FBH1: variants seen among roughly 807,000 people sequenced by gnomAD.
FBH1 encodes the protein F-box DNA helicase 1.
In FBH1, 43 loss-of-function variants were observed where a neutral mutation model predicts 115.5. That is an observed-to-expected ratio of 0.37 (90% CI 0.29 to 0.48). The LOEUF (loss-of-function observed/expected upper bound fraction) is 0.48, where lower values mean the gene tolerates loss of function less well. Among genes scored for constraint, FBH1 ranks in the 20% least tolerant of loss-of-function variants. The pLI is 0.99. For missense variants in FBH1, 1,001 were observed against 1,337.3 expected (o/e 0.75, Z 3.92); for synonymous variants, 524 against 507.8 (o/e 1.03, Z -0.43).
At chr10:5,908,352 G>A (rs1843853382) in intron 3 of FBH1, among the ~76,000 whole-genome samples, 1 of 152,120 alleles carries the variant, frequency 6.6e-6, no homozygotes, top group Non-Finnish European at 1.5e-5. Flanking sequence ...ATATTATTTT[G>A]TTCCCATTGA....
chr10:5,895,052 A>T lies in FBH1; in HGVS notation c.1+4706A>T. 1 of 1,609,516 alleles carries T rather than the reference A, an allele frequency of 6.2e-7. No individual in the cohort carries two copies. The highest frequency in any genetic ancestry group is 2.2e-5 in the East Asian group (1 of 44,758). ...GTTGAAATTGGGCCATTCCCGTTTCACAGGCTGCCATTGGACCTGTCAAGT... is the reference window on the plus strand; with the variant it reads ...GTTGAAATTGGGCCATTCCCGTTTCTCAGGCTGCCATTGGACCTGTCAAGT... On this transcript the variant is annotated intron_variant, in intron 1 of 20. Coordinates refer to ENST00000362091, the MANE Select transcript of FBH1 (RefSeq NM_178150.3). The surrounding 1 kb of genome is among the most constrained non-coding windows in gnomAD (Gnocchi z 5.0).
rs1192184315 is a variant in FBH1 at position 5,932,172 on chromosome 10, TAAGAG to T, written c.2830-4280_2830-4276del. On this transcript the variant is annotated intron_variant, in intron 19 of 20. Transcript: ENST00000362091. This position sits in a 1 kb window ranked among gnomAD's most constrained non-coding sequence, Gnocchi z 5.9. ...AAAAGAAAAGATCAAAACTTTGTGA[TAAGAG>T]AAGTCTCATTACCTCCCTGTTCACT... Among the ~76,000 whole-genome samples, 1 of 152,190 alleles carries T rather than the reference TAAGAG, an allele frequency of 6.6e-6. No individual in the cohort carries two copies. The highest frequency in any genetic ancestry group is 2.4e-5 in the African/African-American group (1 of 41,442).
rs1032790544 is a variant in FBH1 at position 5,917,736 on chromosome 10, G to A, written c.1963+60G>A. ...TACGTAGAAACAGCGCCATGATTATGTAAGAGGACACCTGTGTGAACTAAG... is the reference window on the plus strand; with the variant it reads ...TACGTAGAAACAGCGCCATGATTATATAAGAGGACACCTGTGTGAACTAAG... On this transcript the variant is annotated intron_variant, in intron 12 of 20. Transcript: ENST00000362091. This position sits in a 1 kb window ranked among gnomAD's most constrained non-coding sequence, Gnocchi z 5.6. 6 of 1,255,130 alleles carry A rather than the reference G, an allele frequency of 4.8e-6. No homozygotes were observed. The highest frequency in any genetic ancestry group is 1.9e-5 in the Admixed American group (1 of 53,962). The allele number at this position is 1,255,130 out of a possible 1,614,324, so 77.7% of individuals were successfully genotyped here. A position where few individuals can be genotyped will look rare whatever the true frequency, so the allele number is the denominator to read the frequency against.
intron 2 of FBH1, 90 bp downstream of exon 2, chr10:5,903,265 G>A (rs916662571): frequency 9.3e-7 from 1 of 1,075,640 alleles, no homozygotes; most frequent in Non-Finnish European, 1.3e-6. Flanking sequence ...TGTAAATGTT[G>A]CTGCTGTGAG....
chr10:5,901,286 C>T (rs1285543989), intron 1 of FBH1, among the ~76,000 whole-genome samples: 1 of 152,026 alleles, frequency 6.6e-6, no homozygotes, highest in Non-Finnish European at 1.5e-5. Context: ...GATACTCCTG[C>T]CTCAGCCTCC....
Position 5,921,350 on chromosome 10 carries a change from C to G in FBH1, c.2193C>G (p.Asn731Lys). The G allele has an allele frequency of 6.2e-7, 1 of 1,614,164 alleles. No individual in the cohort carries two copies. The highest frequency in any genetic ancestry group is 8.5e-7 in the Non-Finnish European group (1 of 1,180,014). ...GGAAAAAGACTTTGGTTGGAGGAAA[C>G]CATCAGAGTAAGGCTTTTAGTTACT... The part of the protein sequence containing the change: ...RVRKKTLVGG[N>K]HQSGIRGDAK... The change falls in exon 14 of 21, where the codon AAC becomes AAG. Residue 731 changes from asparagine to lysine, a missense_variant. Around this residue, in one of 4 missense-constraint regions of FBH1, gnomAD observed 521 missense variants for 811.0 expected, o/e 0.64. Transcript: ENST00000362091. The surrounding 1 kb of genome is among the most constrained non-coding windows in gnomAD (Gnocchi z 6.4).
rs1039322920 is a variant in FBH1 at position 5,911,663 on chromosome 10, G to C, written c.1211+535G>C. On this transcript the variant is annotated intron_variant, in intron 6 of 20. Coordinates refer to ENST00000362091, the MANE Select transcript of FBH1 (RefSeq NM_178150.3). This position sits in a 1 kb window ranked among gnomAD's most constrained non-coding sequence, Gnocchi z 5.4. ...TGTGTCCGACAGTTGTCCACGAGCC[G>C]GTCCACTGTGACCGGCTTAGAGGAG... Among the ~76,000 whole-genome samples the C allele has an allele frequency of 6.6e-6, 1 of 152,154 alleles. No individual in the cohort carries two copies. Among genetic ancestry groups the C allele is most frequent in the Non-Finnish European group, 1.5e-5 (1 of 68,022 alleles).
intron 1 of FBH1, among the ~76,000 whole-genome samples, chr10:5,896,083 G>A (rs1325624578): frequency 1.3e-5 from 2 of 152,198 alleles, no homozygotes; most frequent in East Asian, 1.9e-4. Flanking sequence ...CTCACTCTGC[G>A]ACTGCAGGAG....
Position 5,923,612 on chromosome 10 carries a change from C to T in FBH1, c.2323-9C>T. The T allele has an allele frequency of 3.1e-6, 5 of 1,605,786 alleles. No individual in the cohort carries two copies. In the South Asian group the frequency reaches 4.5e-5, roughly 15 times the overall value. On this transcript the variant is annotated splice_polypyrimidine_tract_variant and intron_variant, in intron 15 of 20. Transcript: ENST00000362091. The surrounding 1 kb of genome is among the most constrained non-coding windows in gnomAD (Gnocchi z 5.7). ...AAAAAACAAAAATCCCACCAAAAAA[C>T]TTTTTCAGGGGATTAAATCATTTGG... is the stretch of plus-strand genomic sequence containing the variant.
chr10:5,912,133 G>A (rs1164355029), intron 6 of FBH1, among the ~76,000 whole-genome samples: 2 of 152,108 alleles, frequency 1.3e-5, no homozygotes, highest in East Asian at 3.9e-4. Context: ...GGCGAGGCGG[G>A]CAGTTCGCTT....
Position 5,923,665 on chromosome 10 carries a change from CCTT to C in FBH1, c.2372_2374del (p.Leu791del), listed in dbSNP as rs763191946. 2 of 1,614,168 alleles carry C rather than the reference CCTT, an allele frequency of 1.2e-6. No individual in the cohort carries two copies. The highest frequency in any genetic ancestry group is 1.7e-6 in the Non-Finnish European group (2 of 1,180,020). On this transcript the variant is annotated inframe_deletion, in exon 16 of 21. Coordinates refer to ENST00000362091, the MANE Select transcript of FBH1 (RefSeq NM_178150.3). The surrounding 1 kb of genome is among the most constrained non-coding windows in gnomAD (Gnocchi z 5.7). Reference sequence around the variant, plus strand: ...TGGACAGAATCATTGATATTTGGATCCTTCTTCAGCCAGAGGAAGAACGGAGGA... The same window carrying C: ...TGGACAGAATCATTGATATTTGGATCCTTCAGCCAGAGGAAGAACGGAGGA...
chr10:5,916,936 C>G lies in FBH1; in HGVS notation c.1788+480C>G, dbSNP rs375881859. 9.6e-5 allele frequency: 18 copies of G among 188,016 alleles called. No homozygotes were observed. In the East Asian group the frequency reaches 2.3e-3, roughly 24 times the overall value. The allele number at this position is 188,016 out of a possible 1,614,324, so 11.6% of individuals were successfully genotyped here. A position where few individuals can be genotyped will look rare whatever the true frequency, so the allele number is the denominator to read the frequency against. ...TTTAACAGAGAAGGCAGACATGGAA[C>G]GACCCGCCTCAGTTTATAAGAGCTT... On this transcript the variant is annotated intron_variant, in intron 10 of 20. Coordinates refer to ENST00000362091, the MANE Select transcript of FBH1 (RefSeq NM_178150.3).
rs58766013 is a variant in FBH1 at position 5,937,517 on chromosome 10, TAAA to T, written c.*252_*254del. 9.7e-3 allele frequency: 2,660 copies of T among 273,924 alleles called. No homozygotes were observed. Among genetic ancestry groups the T allele is most frequent in the Middle Eastern group, 0.02 (20 of 990 alleles). 17.0% of individuals were successfully genotyped at this position (273,924 alleles called of 1,614,324 possible). On this transcript the variant is annotated 3_prime_UTR_variant, in exon 21 of 21. Coordinates refer to ENST00000362091, the MANE Select transcript of FBH1 (RefSeq NM_178150.3). ...AGGGAAGTGGGGGATGTTCTTTTGA[TAAA>T]AAAAAAAAAAAAAATTTATGTATTT...
rs753181994 is a variant in FBH1, at chr10:5,925,430, A to G, written c.2660A>G (p.Asp887Gly). The change falls in exon 18 of 21, where the codon GAT becomes GGT. Residue 887 changes from aspartate to glycine, a missense_variant. Asp to Gly is a moderately conservative substitution (Grantham distance 94). Around this residue, in one of 4 missense-constraint regions of FBH1, gnomAD observed 521 missense variants for 811.0 expected, o/e 0.64. Coordinates refer to ENST00000362091, the MANE Select transcript of FBH1 (RefSeq NM_178150.3). The surrounding 1 kb of genome is among the most constrained non-coding windows in gnomAD (Gnocchi z 4.6). The stretch of plus-strand genomic sequence containing the variant: ...GAGTTTGACACTGTGCATGTTTTGG[A>G]TGATTTTGTGAAAGTGCCTTGTGCC... ...GLEFDTVHVL[D>G]DFVKVPCARH... 1.2e-6 allele frequency: 2 copies of G among 1,614,170 alleles called. No homozygotes were observed. The highest frequency in any genetic ancestry group is 1.7e-6 in the Non-Finnish European group (2 of 1,180,048).
rs114667663 is a variant in FBH1, at chr10:5,910,145, G to A, written c.1021-793G>A. On this transcript the variant is annotated intron_variant, in intron 5 of 20. Transcript: ENST00000362091. This position sits in a 1 kb window ranked among gnomAD's most constrained non-coding sequence, Gnocchi z 4.8. ...AAAAATACAAAAATTAGCCGAGCATGGTGGCATGTGCCTGTAGTACTGGCT... is the reference window on the plus strand; with the variant it reads ...AAAAATACAAAAATTAGCCGAGCATAGTGGCATGTGCCTGTAGTACTGGCT... Among the ~76,000 whole-genome samples, 1,052 of 152,184 alleles carry A rather than the reference G, an allele frequency of 6.9e-3. 15 individuals carry two copies. The highest frequency in any genetic ancestry group is 0.024 in the African/African-American group (1,008 of 41,490).
rs1833353132 is a variant in FBH1, at chr10:5,936,368, G to A, written c.2830-88G>A. ...CTGGGACTTACAGTGCATCTAAAGG[G>A]TTCTCACAGAGCCGCCGCTATCAGT... On this transcript the variant is annotated intron_variant, in intron 19 of 20. Transcript: ENST00000362091. This position sits in a 1 kb window ranked among gnomAD's most constrained non-coding sequence, Gnocchi z 5.6. 1.3e-6 allele frequency: 2 copies of A among 1,492,052 alleles called. No homozygotes were observed. Among genetic ancestry groups the A allele is most frequent in the Non-Finnish European group, 9.2e-7 (1 of 1,091,744 alleles). The allele number at this position is 1,492,052 out of a possible 1,614,324, so 92.4% of individuals were successfully genotyped here. A position where few individuals can be genotyped will look rare whatever the true frequency, so the allele number is the denominator to read the frequency against.
In FBH1 at chr10:5,923,624, A is replaced by C. The variant is rs776998291; in HGVS notation, c.2326A>C (p.Ile776Leu). ...FPSRIHLIGG[I>L]KSFGLDRIID... The stretch of plus-strand genomic sequence containing the variant: ...TCCCACCAAAAAACTTTTTCAGGGG[A>C]TTAAATCATTTGGATTGGACAGAAT... The change falls in exon 16 of 21, where the codon ATT (isoleucine) becomes CTT (leucine). Residue 776 changes from isoleucine to leucine, a missense_variant. Physicochemically the swap from Ile to Leu is conservative, Grantham distance 5. Transcript: ENST00000362091. This position sits in a 1 kb window ranked among gnomAD's most constrained non-coding sequence, Gnocchi z 5.7. The C allele has an allele frequency of 3.1e-6, 5 of 1,611,318 alleles. No homozygotes were observed. Among genetic ancestry groups the C allele is most frequent in the Non-Finnish European group, 4.2e-6 (5 of 1,179,326 alleles).
rs1180708272 is a variant in FBH1 at position 5,913,758 on chromosome 10, A to G, written c.1223A>G (p.Asn408Ser). The change falls in exon 7 of 21, where the codon AAC becomes AGC. Residue 408 changes from asparagine to serine, a missense_variant. Physicochemically the swap from Asn to Ser is conservative, Grantham distance 46. Transcript: ENST00000362091. The surrounding 1 kb of genome is among the most constrained non-coding windows in gnomAD (Gnocchi z 4.4). The part of the protein sequence containing the change: ...GINISNRIHY[N>S]IFYCLYLQEN... ...TTTTTTTCTGGTAGGATTCACTACA[A>G]CATTTTCTATTGCCTATATCTTCAG... is the stretch of plus-strand genomic sequence containing the variant. The G allele has an allele frequency of 6.4e-6, 10 of 1,564,916 alleles. No individual in the cohort carries two copies. Among genetic ancestry groups the G allele is most frequent in the African/African-American group, 1.4e-5 (1 of 71,566 alleles).
intron 1 of FBH1, among the ~76,000 whole-genome samples, chr10:5,892,706 A>G (rs1158189932): frequency 6.6e-6 from 1 of 152,254 alleles, no homozygotes; most frequent in Non-Finnish European, 1.5e-5. Context: ...ATTAAAACAC[A>G]AACACTGTTT....
Sources: gnomAD v4.1 joint callset for allele counts (sites outside exome capture counted in the v4.1 genomes callset) on GRCh38, gnomAD v4.1.1 for gene constraint, gnomAD v4.1.1 regional missense constraint, Gnocchi (gnomAD v3.1) non-coding constraint, MANE v1.5 for transcripts, NCBI Gene and HGNC (gene_info 2026-07-23, HGNC 2026-07-21) for gene names.